C12orf75: variants seen among roughly 807,000 people sequenced by gnomAD.
C12orf75 encodes chromosome 12 open reading frame 75.
In C12orf75, 4 loss-of-function variants were observed where a neutral mutation model predicts 11.4. The observed-to-expected ratio is 0.35, with a 90% CI of 0.17 to 0.80. The LOEUF (loss-of-function observed/expected upper bound fraction) is 0.80. Ranked by LOEUF, C12orf75 falls within the 30% of genes least tolerant of loss-of-function variation. The pLI, the probability that C12orf75 is intolerant of heterozygous loss-of-function variation, is 0.52. For synonymous variants in C12orf75, 30 were observed against 30.0 expected (o/e 1.00, Z 0.00); for missense variants, 89 against 80.4 (o/e 1.11, Z -0.41).
chr12:105,347,137 T>TA lies in C12orf75; in HGVS notation c.47-1462dup, dbSNP rs555384531. On this transcript the variant is annotated intron_variant, in intron 1 of 5. Transcript: ENST00000443585. ...GGAACCAAGTCCTGTGCCTCCCAGA[T>TA]AAAGATATTGGGAGGAGGAAATGTG... Among the ~76,000 whole-genome samples, 496 of 152,312 alleles carry TA rather than the reference T, an allele frequency of 3.3e-3. 3 individuals carry two copies. The highest frequency in any genetic ancestry group is 6.0e-3 in the Non-Finnish European group (405 of 68,026).
intron 2 of C12orf75, among the ~76,000 whole-genome samples, chr12:105,349,750 C>T (rs1892687386): frequency 6.6e-6 from 1 of 151,264 alleles, no homozygotes; most frequent in African/African-American, 2.4e-5. Flanking sequence ...GGTGGTGGGC[C>T]CCTGTAATCC....
chr12:105,354,628 C>T (rs1421242694), intron 2 of C12orf75, among the ~76,000 whole-genome samples: 1 of 152,160 alleles, frequency 6.6e-6, no homozygotes, highest in African/African-American at 2.4e-5. Context: ...GGCAGGGCCT[C>T]TGACATGAAT....
intron 2 of C12orf75, among the ~76,000 whole-genome samples, chr12:105,363,515 A>G (rs1350061849): frequency 2.0e-5 from 3 of 152,174 alleles, no homozygotes; most frequent in Middle Eastern, 3.2e-3. Context: ...TCACGAGGTC[A>G]GGAGATCAAG....
intron 2 of C12orf75, among the ~76,000 whole-genome samples, chr12:105,362,513 A>G (rs1892885050): frequency 6.6e-6 from 1 of 151,066 alleles, no homozygotes; most frequent in Non-Finnish European, 1.5e-5. Context: ...TAAAAATACA[A>G]AAAATTAGCC....
Position 105,345,546 on chromosome 12 carries a change from A to G in C12orf75, c.47-3056A>G, listed in dbSNP as rs111956265. ...TTACCCCAAAATATATTTCTTTGAC[A>G]TAAATTTTGAAATGTCAAGCAAAGC... On this transcript the variant is annotated intron_variant, in intron 1 of 5. Transcript: ENST00000443585. Among the ~76,000 whole-genome samples, 72 of 151,960 alleles carry G rather than the reference A, an allele frequency of 4.7e-4. 1 individual carries two copies. Among genetic ancestry groups the G allele is most frequent in the African/African-American group, 1.7e-3 (70 of 41,380 alleles).
At chr12:105,333,476 C>G (rs1215669571) in intron 1 of C12orf75, among the ~76,000 whole-genome samples, 1 of 152,096 alleles carries the variant, frequency 6.6e-6, no homozygotes, top group Non-Finnish European at 1.5e-5. Context: ...TGCACTACTT[C>G]CAATATGTCC....
At chr12:105,350,846 A>G (rs1892704311) in intron 2 of C12orf75, among the ~76,000 whole-genome samples, 4 of 152,122 alleles carry the variant, frequency 2.6e-5, no homozygotes, top group Admixed American at 2.6e-4. Context: ...TTTCTAATAA[A>G]ATTTAGTGAT....
Position 105,370,858 on chromosome 12 carries a change from C to T in C12orf75, c.*258C>T. ...TGGCCACCTACGAAAGACAAGTTAACAAACTGTCATGGAGGCTGTTGTTGC... is the reference window on the plus strand; with the variant it reads ...TGGCCACCTACGAAAGACAAGTTAATAAACTGTCATGGAGGCTGTTGTTGC... On this transcript the variant is annotated 3_prime_UTR_variant, in exon 6 of 6. Transcript: ENST00000443585. 1 of 385,378 alleles carries T rather than the reference C, an allele frequency of 2.6e-6. No homozygotes were observed. The highest frequency in any genetic ancestry group is 5.3e-6 in the Non-Finnish European group (1 of 189,522). The allele number at this position is 385,378 out of a possible 1,614,324, so 23.9% of individuals were successfully genotyped here. A position where few individuals can be genotyped will look rare whatever the true frequency, so the allele number is the denominator to read the frequency against.
chr12:105,368,815 C>G (rs1329927802), intron 5 of C12orf75, among the ~76,000 whole-genome samples: 1 of 152,184 alleles, frequency 6.6e-6, no homozygotes, highest in Non-Finnish European at 1.5e-5. Context: ...AAGATTTGCT[C>G]ATCAAGGCAA....
intron 2 of C12orf75, among the ~76,000 whole-genome samples, chr12:105,349,176 G>T (rs377283139): frequency 1.1e-3 from 165 of 152,296 alleles, no homozygotes; most frequent in African/African-American, 3.7e-3. Flanking sequence ...GAGCATTCAG[G>T]ATTTCCATGC....
chr12:105,331,237 T>C (rs1251114531), intron 1 of C12orf75, among the ~76,000 whole-genome samples: 2 of 151,696 alleles, frequency 1.3e-5, no homozygotes, highest in African/African-American at 2.4e-5. Flanking sequence ...CTCAGGGCTC[T>C]CCTGGGGGAG....
intron 1 of C12orf75, among the ~76,000 whole-genome samples, chr12:105,336,558 C>T (rs1407803287): frequency 6.6e-6 from 1 of 151,928 alleles, no homozygotes; most frequent in African/African-American, 2.4e-5. Flanking sequence ...CCACTGAAGG[C>T]GTGTACGTAT....
chr12:105,330,739 C>T lies in C12orf75; in HGVS notation c.-153C>T, dbSNP rs1033053600. On this transcript the variant is annotated 5_prime_UTR_variant, in exon 1 of 6. Transcript: ENST00000443585. ...CCCGCTGCGCCCCGGGCCGCGTCTCCCGGCGGTGGGAGGGGGCGGCCCCCA... is the reference window on the plus strand; with the variant it reads ...CCCGCTGCGCCCCGGGCCGCGTCTCTCGGCGGTGGGAGGGGGCGGCCCCCA... The T allele has an allele frequency of 3.5e-5, 25 of 721,608 alleles. No individual in the cohort carries two copies. The highest frequency in any genetic ancestry group is 3.5e-5 in the Non-Finnish European group (19 of 542,684). 44.7% of individuals were successfully genotyped at this position (721,608 alleles called of 1,614,324 possible). A position where few individuals can be genotyped will look rare whatever the true frequency, so the allele number is the denominator to read the frequency against.
chr12:105,338,903 C>T (rs978579364), intron 1 of C12orf75, among the ~76,000 whole-genome samples: 2 of 152,158 alleles, frequency 1.3e-5, no homozygotes. Context: ...ACAAACCAAA[C>T]TCTAGCACTA....
At chr12:105,346,408 T>C (rs1320984598) in intron 1 of C12orf75, among the ~76,000 whole-genome samples, 1 of 152,238 alleles carries the variant, frequency 6.6e-6, no homozygotes, top group Non-Finnish European at 1.5e-5. Flanking sequence ...TAGATTCTCA[T>C]GCTTGACTCT....
intron 2 of C12orf75, among the ~76,000 whole-genome samples, chr12:105,364,794 T>G (rs1871414366): frequency 6.6e-6 from 1 of 151,942 alleles, no homozygotes; most frequent in African/African-American, 2.4e-5. Context: ...GTGTCCTGAT[T>G]CTCTTAGAAA....
chr12:105,344,864 A>T (rs1892617136), intron 1 of C12orf75, among the ~76,000 whole-genome samples: 1 of 152,076 alleles, frequency 6.6e-6, no homozygotes, highest in Non-Finnish European at 1.5e-5. Flanking sequence ...CCCTGACTCC[A>T]GCAAAACCCA....
intron 1 of C12orf75, among the ~76,000 whole-genome samples, chr12:105,343,878 A>T (rs1397557306): frequency 6.6e-6 from 1 of 152,222 alleles, no homozygotes; most frequent in Non-Finnish European, 1.5e-5. Flanking sequence ...ACACAGACAC[A>T]CACACACTTC....
At chr12:105,348,759 C>A in intron 2 of C12orf75, 133 bp downstream of exon 2, 1 of 521,964 alleles carries the variant, frequency 1.9e-6, no homozygotes, top group Non-Finnish European at 3.3e-6. Context: ...ATGCACATGT[C>A]AAGATGATCG....
Sources: allele counts gnomAD v4.1 joint callset (sites outside exome capture counted in the v4.1 genomes callset), GRCh38; gene constraint gnomAD v4.1.1; transcripts MANE v1.5; gene names NCBI Gene and HGNC (gene_info 2026-07-23, HGNC 2026-07-21).